KIF13B: variants seen among roughly 807,000 people sequenced by gnomAD.
The protein encoded by KIF13B is kinesin-like protein KIF13B.
KIF13B carries 127 observed loss-of-function variants against 222.0 expected under a neutral mutation model. That is an observed-to-expected ratio of 0.57 (90% CI 0.50 to 0.66). The LOEUF (loss-of-function observed/expected upper bound fraction) is 0.66, where lower values mean the gene tolerates loss of function less well. KIF13B is among the 30% of genes least tolerant of loss of function. The pLI, the probability that KIF13B is intolerant of heterozygous loss-of-function variation, is 0.00. For missense variants in KIF13B, 2,173 were observed against 2,379.0 expected, an observed-to-expected ratio of 0.91 and a Z score of 1.80; for synonymous variants, 976 against 919.0, an observed-to-expected ratio of 1.06 and a Z score of -1.12.
chr8:29,183,454 T>C (rs946498336), intron 6 of KIF13B, among the ~76,000 whole-genome samples: 4 of 152,234 alleles, frequency 2.6e-5, no homozygotes, highest in Non-Finnish European at 4.4e-5. Context: ...GCCCAACCAA[T>C]GCGTCAAGTT....
At chr8:29,076,205 A>C (rs972940353) in intron 37 of KIF13B, among the ~76,000 whole-genome samples, 6 of 152,060 alleles carry the variant, frequency 3.9e-5, no homozygotes, top group South Asian at 2.1e-4. Flanking sequence ...ATCCCAGAAG[A>C]AGCTGGGAAC....
intron 2 of KIF13B, among the ~76,000 whole-genome samples, chr8:29,200,487 C>G (rs758665312): frequency 6.6e-6 from 1 of 152,146 alleles, no homozygotes; most frequent in Non-Finnish European, 1.5e-5. Context: ...GAAATACTTT[C>G]AGGCTTACAA....
intron 2 of KIF13B, among the ~76,000 whole-genome samples, chr8:29,222,453 T>G (rs1563802301): frequency 1.3e-5 from 2 of 149,178 alleles, no homozygotes; most frequent in Admixed American, 1.3e-4. Context: ...CAGGCTAAAG[T>G]GTAGTAGTAA....
rs190744127 is a variant in KIF13B at position 29,249,929 on chromosome 8, A to C, written c.56-4490T>G. On this transcript the variant is annotated intron_variant, in intron 1 of 39. Transcript: ENST00000524189. ...AAATCTGCTCTAGACTATCACAGAA[A>C]TGCTGCAAGAAAGTCTCAGCCACAC... The C allele has an allele frequency of 8.2e-6, 6 of 729,110 alleles. No homozygotes were observed. In the East Asian group the frequency reaches 3.2e-4, roughly 39 times the overall value. The allele number at this position is 729,110 out of a possible 1,614,324, so 45.2% of individuals were successfully genotyped here. A position where few individuals can be genotyped will look rare whatever the true frequency, so the allele number is the denominator to read the frequency against.
intron 37 of KIF13B, among the ~76,000 whole-genome samples, chr8:29,081,327 T>C (rs1807801182): frequency 6.6e-6 from 1 of 152,222 alleles, no homozygotes; most frequent in African/African-American, 2.4e-5. Context: ...CACCAGCCAC[T>C]GGTGGTGACC....
intron 1 of KIF13B, among the ~76,000 whole-genome samples, chr8:29,249,376 G>A (rs1816179184): frequency 6.7e-6 from 1 of 148,522 alleles, no homozygotes; most frequent in African/African-American, 2.5e-5. Context: ...GTTGCAGTGA[G>A]CCAAGATCAC....
At chr8:29,109,784 C>A (rs1057244062) in intron 33 of KIF13B, 134 bp downstream of exon 33, 5 of 891,212 alleles carry the variant, frequency 5.6e-6, no homozygotes, top group Non-Finnish European at 5.1e-6. Flanking sequence ...TACAATCACT[C>A]TGGATTATTC....
chr8:29,181,533 TAGA>T (rs763906581), intron 7 of KIF13B, among the ~76,000 whole-genome samples: 28 of 152,194 alleles, frequency 1.8e-4, no homozygotes, highest in East Asian at 3.8e-4. Context: ...AATTTTCTAT[TAGA>T]AGAAGAATGT....
intron 26 of KIF13B, among the ~76,000 whole-genome samples, chr8:29,125,772 C>G (rs1457544144): frequency 6.6e-6 from 1 of 151,142 alleles, no homozygotes; most frequent in Non-Finnish European, 1.5e-5. Flanking sequence ...ATTCCAAATG[C>G]TGTATGATTC....
At chr8:29,140,690 G>C in intron 19 of KIF13B, 73 bp from the exon 20 acceptor site, 1 of 1,314,132 alleles carries the variant, frequency 7.6e-7, no homozygotes, top group African/African-American at 1.5e-5. Context: ...ACTGCTTTTT[G>C]ATGCACTCTA....
intron 1 of KIF13B, among the ~76,000 whole-genome samples, chr8:29,248,117 T>C (rs1357283968): frequency 1.3e-5 from 2 of 152,092 alleles, no homozygotes; most frequent in Non-Finnish European, 2.9e-5. Flanking sequence ...AATGGTGCAG[T>C]CACTTCAGAT....
intron 5 of KIF13B, among the ~76,000 whole-genome samples, chr8:29,187,732 T>C (rs1287077766): frequency 1.3e-5 from 2 of 152,242 alleles, no homozygotes; most frequent in African/African-American, 4.8e-5. Flanking sequence ...TTGCTGCTTT[T>C]GTCATGCAAC....
At chr8:29,131,407 T>C (rs889854782) in intron 23 of KIF13B, among the ~76,000 whole-genome samples, 22 of 151,760 alleles carry the variant, frequency 1.4e-4, no homozygotes, top group African/African-American at 5.3e-4. Flanking sequence ...GGTAGTGCCA[T>C]ATGCTTCAGT....
chr8:29,152,057 CG>C (rs1009015058), intron 14 of KIF13B, among the ~76,000 whole-genome samples: 1 of 152,040 alleles, frequency 6.6e-6, no homozygotes, highest in East Asian at 1.9e-4. Context: ...TGGATGCCTT[CG>C]GGGGGTTCAA....
chr8:29,071,717 G>A lies in KIF13B; in HGVS notation c.5121C>T (p.Val1707=). The A allele has an allele frequency of 6.5e-7, 1 of 1,550,358 alleles. No homozygotes were observed. Among genetic ancestry groups the A allele is most frequent in the Non-Finnish European group, 8.7e-7 (1 of 1,146,846 alleles). The stretch of plus-strand genomic sequence containing the variant: ...CGCCCGTTTTGTGGGCGCCCACGGT[G>A]ACGAACTCGCCCTCTCGGAGCCACT... ...VPEWLREGEF[V]TVGAHKTGVV... is the part of the protein sequence containing the mutation. The change falls in exon 39 of 40, where the codon GTC becomes GTT. Residue 1707 remains valine, a synonymous_variant. Coordinates refer to ENST00000524189, the MANE Select transcript of KIF13B (RefSeq NM_015254.4). This position sits in a 1 kb window ranked among gnomAD's most constrained non-coding sequence, Gnocchi z 4.9.
At chr8:29,220,581 T>G (rs974327338) in intron 2 of KIF13B, among the ~76,000 whole-genome samples, 4 of 151,554 alleles carry the variant, frequency 2.6e-5, no homozygotes, top group Non-Finnish European at 4.4e-5. Flanking sequence ...TAGGACAGTC[T>G]CCATGAAACA....
chr8:29,137,169 T>A (rs999182684), intron 21 of KIF13B, among the ~76,000 whole-genome samples: 1 of 152,074 alleles, frequency 6.6e-6, no homozygotes, highest in African/African-American at 2.4e-5. Context: ...TCTGAAAACC[T>A]TTTTTTACCA....
At position 29,072,331 on chromosome 8, in the gene KIF13B, G is replaced by C; in HGVS notation, c.4522-15C>G. 1 of 1,391,092 alleles carries C rather than the reference G, an allele frequency of 7.2e-7. No homozygotes were observed. The highest frequency in any genetic ancestry group is 9.4e-7 in the Non-Finnish European group (1 of 1,067,280). 86.2% of individuals were successfully genotyped at this position (1,391,092 alleles called of 1,614,324 possible). A position where few individuals can be genotyped will look rare whatever the true frequency, so the allele number is the denominator to read the frequency against. On this transcript the variant is annotated splice_polypyrimidine_tract_variant and intron_variant, in intron 38 of 39. Coordinates refer to ENST00000524189, the MANE Select transcript of KIF13B (RefSeq NM_015254.4). ...TCCGGCTGAGCCTGCAGCAGGACGG[G>C]GAAGCAGGGGCTGAGAACAGAAAAC...
In KIF13B at chr8:29,092,738, T is replaced by G. The variant is rs1465676375; in HGVS notation, c.4458+7A>C. On this transcript the variant is annotated splice_region_variant and intron_variant, in intron 37 of 39. Transcript: ENST00000524189. ...ACGTTCACAGCTGTTTTCTCGGTGC[T>G]TTTTACCTGGTGTGCGAGGGGAGAC... 2 of 1,606,640 alleles carry G rather than the reference T, an allele frequency of 1.2e-6. No homozygotes were observed. Among genetic ancestry groups the G allele is most frequent in the Non-Finnish European group, 8.5e-7 (1 of 1,177,376 alleles).
Sources: allele counts gnomAD v4.1 joint callset (sites outside exome capture counted in the v4.1 genomes callset), GRCh38; gene constraint gnomAD v4.1.1; non-coding constraint Gnocchi (gnomAD v3.1); transcripts MANE v1.5; gene names NCBI Gene and HGNC (gene_info 2026-07-23, HGNC 2026-07-21).